ADRB3: variants seen among roughly 807,000 people sequenced by gnomAD.
ADRB3 encodes adrenoceptor beta 3, also known as beta-3 adrenergic receptor.
A neutral mutation model predicts 23.8 loss-of-function variants in ADRB3; 33 were observed. The ratio of observed to expected loss-of-function variants is 1.38; its 90% CI spans 1.05 to 1.85. ADRB3 has a LOEUF of 1.85. Ranked by LOEUF, ADRB3 falls within the 40% of genes most tolerant of loss-of-function variation. The probability of loss-of-function intolerance (pLI) is 0.00; values close to 1 mark genes in which losing one functional copy is unlikely to be tolerated. For synonymous variants in ADRB3, 289 were observed against 273.0 expected (o/e 1.06, Z -0.58); for missense variants, 600 against 579.6 (o/e 1.04, Z -0.36).
rs780003797 is a variant in ADRB3, at chr8:37,966,104, G to T, written c.366C>A (p.Thr122=). 2.5e-6 allele frequency: 4 copies of T among 1,611,198 alleles called. No individual in the cohort carries two copies. Among genetic ancestry groups the T allele is most frequent in the Non-Finnish European group, 3.4e-6 (4 of 1,178,962 alleles). The change falls in exon 1 of 2, where the codon ACC becomes ACA. Residue 122 remains threonine, a synonymous_variant. Transcript: ENST00000345060. The part of the protein sequence containing the change: ...LWTSVDVLCV[T]ASIETLCALA... ...GGGCGCACAGGGTTTCGATGCTGGC[G>T]GTCACACACAGCACGTCCACCGAGG...
intron 1 of ADRB3, 36 bp from the exon 2 acceptor site, chr8:37,964,275 GA>G: frequency 6.3e-7 from 1 of 1,595,882 alleles, no homozygotes; most frequent in Admixed American, 1.7e-5. Context: ...ACCCTGGGGT[GA>G]AAGGAGCAAC....
At position 37,966,229 on chromosome 8, in the gene ADRB3, C is replaced by A; in HGVS notation, c.241G>T (p.Ala81Ser). 1.2e-6 allele frequency: 2 copies of A among 1,613,356 alleles called. No individual in the cohort carries two copies. Among genetic ancestry groups the A allele is most frequent in the Non-Finnish European group, 1.7e-6 (2 of 1,179,756 alleles). Residue 81 changes from alanine (A) to serine (S), a missense_variant, in exon 1 of 2, where the codon GCA becomes TCA. Transcript: ENST00000345060. ...MTNVFVTSLAAADLVMGLLVV... is the reference protein window; with the variant it reads ...MTNVFVTSLASADLVMGLLVV... ...AGGAGTCCCATCACCAGGTCGGCTG[C>A]GGCCAGCGAAGTCACGAACACGTTG... is the stretch of plus-strand genomic sequence containing the variant.
chr8:37,964,098 G>A lies in ADRB3; in HGVS notation c.*120C>T, dbSNP rs964133712. 2.0e-5 allele frequency: 17 copies of A among 851,990 alleles called. 1 individual carries two copies. Among genetic ancestry groups the A allele is most frequent in the South Asian group, 1.3e-4 (8 of 63,910 alleles). The allele number at this position is 851,990 out of a possible 1,614,324, so 52.8% of individuals were successfully genotyped here. On this transcript the variant is annotated 3_prime_UTR_variant, in exon 2 of 2. Transcript: ENST00000345060. ...CCTCCTTGGGTCACATGGCCCAGTC[G>A]TCAGGTTCTGGAGGGTAGAGTGTCA... is the stretch of plus-strand genomic sequence containing the variant.
chr8:37,965,917 C>G lies in ADRB3; in HGVS notation c.553G>C (p.Glu185Gln). 6.4e-7 allele frequency: 1 copy of G among 1,551,936 alleles called. No homozygotes were observed. Among genetic ancestry groups the G allele is most frequent in the South Asian group, 1.2e-5 (1 of 84,096 alleles). ...GGGTTGGAGTGGCAGCGCTGCGCCT[C>G]GGCGTCGGCCCCTACGCGCCACCAC... The part of the protein sequence containing the change: ...SQWWRVGADA[E>Q]AQRCHSNPRC... Residue 185 changes from glutamate (E) to glutamine (Q), a missense_variant, in exon 1 of 2, where the codon GAG (glutamate) becomes CAG (glutamine). By Grantham distance (29) the Glu-to-Gln change is conservative. Coordinates refer to ENST00000345060, the MANE Select transcript of ADRB3 (RefSeq NM_000025.3).
chr8:37,966,536 G>C lies in ADRB3; in HGVS notation c.-67C>G. Reference sequence around the variant, plus strand: ...GGGGTCTCCCAAATCACCTGGCTCAGGGGAGGGGACAGCAAGGCATGAGAG... The same window carrying C: ...GGGGTCTCCCAAATCACCTGGCTCACGGGAGGGGACAGCAAGGCATGAGAG... On this transcript the variant is annotated 5_prime_UTR_variant, in exon 1 of 2. Transcript: ENST00000345060. 1 of 1,516,256 alleles carries C rather than the reference G, an allele frequency of 6.6e-7. No individual in the cohort carries two copies. The highest frequency in any genetic ancestry group is 8.8e-7 in the Non-Finnish European group (1 of 1,137,060). The allele number at this position is 1,516,256 out of a possible 1,614,324, so 93.9% of individuals were successfully genotyped here. A position where few individuals can be genotyped will look rare whatever the true frequency, so the allele number is the denominator to read the frequency against.
In ADRB3 at chr8:37,964,654, C is replaced by T. The variant is rs575398687; in HGVS notation, c.1206-415G>A. On this transcript the variant is annotated intron_variant, in intron 1 of 1. Coordinates refer to ENST00000345060, the MANE Select transcript of ADRB3 (RefSeq NM_000025.3). ...TGGAAAACCAAAACTAGAGCCGACCCGGCGCCCTGGCTCCGGCCTGTAATC... is the reference window on the plus strand; with the variant it reads ...TGGAAAACCAAAACTAGAGCCGACCTGGCGCCCTGGCTCCGGCCTGTAATC... Among the ~76,000 whole-genome samples the T allele has an allele frequency of 3.9e-4, 59 of 152,328 alleles. 2 individuals are homozygous for T. In the South Asian group the frequency reaches 9.1e-3, roughly 24 times the overall value.
In ADRB3 at chr8:37,965,302, T is replaced by TGCTCCGGGCC. The variant is rs1380235971; in HGVS notation, c.1158_1167dup (p.Ser390GlyfsTer34). 1.3e-6 allele frequency: 2 copies of TGCTCCGGGCC among 1,542,632 alleles called. No individual in the cohort carries two copies. Among genetic ancestry groups the TGCTCCGGGCC allele is most frequent in the Non-Finnish European group, 1.7e-6 (2 of 1,151,340 alleles). ...TGGCAAAGCCTGGGCTGCGCTGGGC[T>TGCTCCGGGCC]GCTCCGGGCCGCAGGAACGCCCGAG... On this transcript the variant is annotated frameshift_variant, in exon 1 of 2. Coordinates refer to ENST00000345060, the MANE Select transcript of ADRB3 (RefSeq NM_000025.3). LOFTEE classifies it low-confidence loss of function (END_TRUNC).
In ADRB3 at chr8:37,966,151, CGCCCAA is replaced by C. The variant is rs1563398129; in HGVS notation, c.313_318del (p.Leu105_Gly106del). On this transcript the variant is annotated inframe_deletion, in exon 1 of 2. Coordinates refer to ENST00000345060, the MANE Select transcript of ADRB3 (RefSeq NM_000025.3). The stretch of plus-strand genomic sequence containing the variant: ...GAGGTCCACAGCTCGCAGCCAGTGG[CGCCCAA>C]CGGCCAGTGGCCAGTCAGCGCCAAG... The C allele has an allele frequency of 1.9e-6, 3 of 1,610,292 alleles. No individual in the cohort carries two copies. In the Admixed American group the frequency reaches 5.0e-5, roughly 27 times the overall value.
Position 37,965,797 on chromosome 8 carries a change from C to T in ADRB3, c.673G>A (p.Ala225Thr), listed in dbSNP as rs148637032. 2.0e-4 allele frequency: 305 copies of T among 1,551,954 alleles called. 2 individuals are homozygous for T. The African/African-American group carries it at 3.6e-3, about 19-fold the overall frequency. The change falls in exon 1 of 2, where the codon GCG becomes ACG. Residue 225 changes from alanine (A) to threonine (T), a missense_variant. By Grantham distance (58) the Ala-to-Thr change is moderately conservative (BLOSUM62 0). Coordinates refer to ENST00000345060, the MANE Select transcript of ADRB3 (RefSeq NM_000025.3). Reference sequence around the variant, plus strand: ...CGCGTAGCCACCACGAAAACCCGCGCGTAGACGAAGAGCATCACGAGAAGA... The same window carrying T: ...CGCGTAGCCACCACGAAAACCCGCGTGTAGACGAAGAGCATCACGAGAAGA... ...LPLLVMLFVYARVFVVATRQL... is the reference protein window; with the variant it reads ...LPLLVMLFVYTRVFVVATRQL...
rs1459148251 is a variant in ADRB3 at position 37,965,709 on chromosome 8, G to A, written c.761C>T (p.Pro254Leu). 2 of 1,546,130 alleles carry A rather than the reference G, an allele frequency of 1.3e-6. No homozygotes were observed. Among genetic ancestry groups the A allele is most frequent in the East Asian group, 2.5e-5 (1 of 40,728 alleles). The change falls in exon 1 of 2, where the codon CCG becomes CTG. Residue 254 changes from proline (P) to leucine (L), a missense_variant. By Grantham distance (98) the Pro-to-Leu change is moderately conservative. Coordinates refer to ENST00000345060, the MANE Select transcript of ADRB3 (RefSeq NM_000025.3). ...RFPPEESPPA[P>L]SRSLAPAPVG... ...CGGGGCCGGGGCCAGAGAGCGCGAC[G>A]GCGCCGGCGGAGACTCCTCGGGCGG...
In ADRB3 at chr8:37,966,294, A is replaced by G; in HGVS notation, c.176T>C (p.Ile59Thr). 6.2e-7 allele frequency: 1 copy of G among 1,613,738 alleles called. No homozygotes were observed. Residue 59 changes from isoleucine to threonine, a missense_variant, in exon 1 of 2, where the codon ATC (isoleucine) becomes ACC (threonine). Ile to Thr is a moderately conservative substitution (Grantham distance 89). Coordinates refer to ENST00000345060, the MANE Select transcript of ADRB3 (RefSeq NM_000025.3). Reference sequence around the variant, plus strand: ...TCTCGGAGTCCAGGCGATGGCCACGATGACCAGCAGGTTGCCTCCCACGGT... The same window carrying G: ...TCTCGGAGTCCAGGCGATGGCCACGGTGACCAGCAGGTTGCCTCCCACGGT... ...LATVGGNLLV[I>T]VAIAWTPRLQ...
In ADRB3 at chr8:37,963,126, C is replaced by T. The variant is rs1808231012; in HGVS notation, c.*1092G>A. 1 of 152,118 alleles carries T rather than the reference C, an allele frequency of 6.6e-6. No individual in the cohort carries two copies. Among genetic ancestry groups the T allele is most frequent in the Non-Finnish European group, 1.5e-5 (1 of 68,122 alleles). 9.4% of individuals were successfully genotyped at this position (152,118 alleles called of 1,614,324 possible). A position where few individuals can be genotyped will look rare whatever the true frequency, so the allele number is the denominator to read the frequency against. ...TTTATGACACAAGACATTTGACCAACCCAAGCAATGCTTTGTGCCTGTGCC... is the reference window on the plus strand; with the variant it reads ...TTTATGACACAAGACATTTGACCAATCCAAGCAATGCTTTGTGCCTGTGCC... On this transcript the variant is annotated 3_prime_UTR_variant, in exon 2 of 2. Coordinates refer to ENST00000345060, the MANE Select transcript of ADRB3 (RefSeq NM_000025.3).
chr8:37,966,317 G>A lies in ADRB3; in HGVS notation c.153C>T (p.Thr51=), dbSNP rs147723870. 46 of 1,613,176 alleles carry A rather than the reference G, an allele frequency of 2.9e-5. No homozygotes were observed. Among genetic ancestry groups the A allele is most frequent in the African/African-American group, 1.6e-4 (12 of 74,922 alleles). The part of the protein sequence containing the change: ...GALLALAVLA[T]VGGNLLVIVA... ...CGATGACCAGCAGGTTGCCTCCCAC[G>A]GTGGCCAGCACCGCCAGCGCCAGCA... Residue 51 remains threonine, a synonymous_variant, in exon 1 of 2, where the codon ACC becomes ACT. Transcript: ENST00000345060.
Position 37,965,354 on chromosome 8 carries a change from G to T in ADRB3, c.1116C>A (p.Cys372Ter), listed in dbSNP as rs1306191428. 5.2e-6 allele frequency: 8 copies of T among 1,544,436 alleles called. No individual in the cohort carries two copies. Among genetic ancestry groups the T allele is most frequent in the East Asian group, 2.5e-5 (1 of 40,660 alleles). ...GGAAGAGGGCCGGGCGGGCGGCGGC[G>T]CAGGGCTCCGGAGGCAGGCGACGGC... ...RCGRRLPPEP[C>*]AAARPALFPS... Residue 372 changes from cysteine (C) to a stop codon, truncating the protein, a stop_gained, in exon 1 of 2, where the codon TGC (cysteine) becomes TGA (stop). Transcript: ENST00000345060. LOFTEE classifies it high-confidence loss of function.
At position 37,966,596 on chromosome 8, in the gene ADRB3, TC is replaced by T; in HGVS notation, c.-128del. 7.1e-7 allele frequency: 1 copy of T among 1,399,596 alleles called. No individual in the cohort carries two copies. The highest frequency in any genetic ancestry group is 9.4e-7 in the Non-Finnish European group (1 of 1,064,142). The allele number at this position is 1,399,596 out of a possible 1,614,324, so 86.7% of individuals were successfully genotyped here. ...CAGCCTGGGCCATCTTCTCTAGCTGTCCCAGCCAGAGCGCTCAGCCTCCCCC... is the reference window on the plus strand; with the variant it reads ...CAGCCTGGGCCATCTTCTCTAGCTGTCCAGCCAGAGCGCTCAGCCTCCCCC... On this transcript the variant is annotated 5_prime_UTR_variant, in exon 1 of 2. Coordinates refer to ENST00000345060, the MANE Select transcript of ADRB3 (RefSeq NM_000025.3).
chr8:37,964,991 T>A lies in ADRB3; in HGVS notation c.1205+274A>T, dbSNP rs560355129. ...AGCCGACCAGGCGAGGCGAGAGTCC[T>A]CGGGACACCGCAGCGCTTTCCGGTG... On this transcript the variant is annotated intron_variant, in intron 1 of 1. Transcript: ENST00000345060. 53 of 420,996 alleles carry A rather than the reference T, an allele frequency of 1.3e-4. 1 individual carries two copies. The South Asian group carries it at 3.2e-3, about 25-fold the overall frequency. 26.1% of individuals were successfully genotyped at this position (420,996 alleles called of 1,614,324 possible). A position where few individuals can be genotyped will look rare whatever the true frequency, so the allele number is the denominator to read the frequency against.
At position 37,964,168 on chromosome 8, in the gene ADRB3, G is replaced by A. The variant is rs2130308673; in HGVS notation, c.*50C>T. 1.9e-6 allele frequency: 3 copies of A among 1,570,386 alleles called. No homozygotes were observed. The highest frequency in any genetic ancestry group is 2.2e-5 in the East Asian group (1 of 44,630). On this transcript the variant is annotated 3_prime_UTR_variant, in exon 2 of 2. Transcript: ENST00000345060. ...GACTCATTCTGAACAGAGGCCAGAG[G>A]TTTTCCACAGGTTCTGATCAACAGA...
chr8:37,965,904 C>T lies in ADRB3; in HGVS notation c.566G>A (p.Cys189Tyr). Residue 189 changes from cysteine (C) to tyrosine (Y), a missense_variant, in exon 1 of 2, where the codon TGC (cysteine) becomes TAC (tyrosine). Cys to Tyr is a radical substitution (Grantham distance 194). Transcript: ENST00000345060. ...RVGADAEAQR[C>Y]HSNPRCCAFA... ...GGCACAGCAGCGCGGGTTGGAGTGG[C>T]AGCGCTGCGCCTCGGCGTCGGCCCC... The T allele has an allele frequency of 6.4e-7, 1 of 1,552,076 alleles. No homozygotes were observed. The highest frequency in any genetic ancestry group is 8.7e-7 in the Non-Finnish European group (1 of 1,147,270).
chr8:37,965,715 G>T lies in ADRB3; in HGVS notation c.755C>A (p.Pro252Gln), dbSNP rs551926578. The T allele has an allele frequency of 2.6e-6, 4 of 1,547,262 alleles. No individual in the cohort carries two copies. The highest frequency in any genetic ancestry group is 2.5e-5 in the East Asian group (1 of 40,768). Residue 252 changes from proline (P) to glutamine (Q), a missense_variant, in exon 1 of 2, where the codon CCG becomes CAG. Transcript: ENST00000345060. ...LGRFPPEESP[P>Q]APSRSLAPAP... ...CGGGGCCAGAGAGCGCGACGGCGCC[G>T]GCGGAGACTCCTCGGGCGGAAAGCG...
Sources: gnomAD v4.1 joint callset for allele counts (sites outside exome capture counted in the v4.1 genomes callset) on GRCh38, gnomAD v4.1.1 for gene constraint, MANE v1.5 for transcripts, NCBI Gene and HGNC (gene_info 2026-07-23, HGNC 2026-07-21) for gene names.